The following ZNF277 variants were observed in gnomAD, a reference collection of about 807,000 sequenced individuals.
ZNF277 encodes the protein zinc finger protein 277, also known as nuclear receptor-interacting factor 4.
A neutral mutation model predicts 60.7 loss-of-function variants in ZNF277; 55 were observed. That is an observed-to-expected ratio of 0.91 (90% CI 0.73 to 1.13). ZNF277 has a LOEUF of 1.13. Ranked by LOEUF, ZNF277 falls within the 50% of genes most tolerant of loss-of-function variation. The probability of loss-of-function intolerance (pLI) is 0.00; values close to 1 mark genes in which losing one functional copy is unlikely to be tolerated. For synonymous variants in ZNF277, 178 were observed against 179.3 expected (o/e 0.99, Z 0.06); for missense variants, 510 against 523.0 (o/e 0.98, Z 0.24).
chr7:112,301,161 T>TC (rs1792462861), intron 4 of ZNF277, among the ~76,000 whole-genome samples: 2 of 152,006 alleles, frequency 1.3e-5, no homozygotes, highest in African/African-American at 4.8e-5. Context: ...AACCTCTGCT[T>TC]CCCGGGGTCA....
chr7:112,264,621 A>G (rs1371075773), intron 1 of ZNF277, among the ~76,000 whole-genome samples: 3 of 152,166 alleles, frequency 2.0e-5, no homozygotes, highest in Non-Finnish European at 2.9e-5. Flanking sequence ...AAGTATCAAG[A>G]AAGTATTTTT....
intron 9 of ZNF277, among the ~76,000 whole-genome samples, chr7:112,338,788 A>G (rs1793382958): frequency 6.6e-6 from 1 of 152,216 alleles, no homozygotes; most frequent in Admixed American, 6.5e-5. Flanking sequence ...CAGCCTTAGT[A>G]TGCCTATCCT....
intron 1 of ZNF277, among the ~76,000 whole-genome samples, chr7:112,251,939 G>A (rs1395824253): frequency 6.6e-6 from 1 of 152,152 alleles, no homozygotes; most frequent in Admixed American, 6.6e-5. Flanking sequence ...ACAAAGGAAT[G>A]GATTGATAAA....
chr7:112,244,902 C>T (rs1157349388), intron 1 of ZNF277, among the ~76,000 whole-genome samples: 1 of 152,122 alleles, frequency 6.6e-6, no homozygotes, highest in South Asian at 2.1e-4. Context: ...AAAAATTCAT[C>T]AAGTAATTAT....
chr7:112,316,178 T>C (rs1792839217), intron 4 of ZNF277, among the ~76,000 whole-genome samples: 1 of 152,116 alleles, frequency 6.6e-6, no homozygotes, highest in African/African-American at 2.4e-5. Flanking sequence ...TTCTACACAA[T>C]ATTGGTCAGA....
At chr7:112,313,232 G>A (rs1459484372) in intron 4 of ZNF277, among the ~76,000 whole-genome samples, 2 of 151,572 alleles carry the variant, frequency 1.3e-5, no homozygotes, top group African/African-American at 2.4e-5. Context: ...TGCTCAAAAC[G>A]TCATGTTAGT....
chr7:112,298,004 A>G (rs1792392334), intron 4 of ZNF277, among the ~76,000 whole-genome samples: 1 of 152,174 alleles, frequency 6.6e-6, no homozygotes, highest in Non-Finnish European at 1.5e-5. Context: ...CATTTAATGG[A>G]AGTGAGCATT....
intron 1 of ZNF277, among the ~76,000 whole-genome samples, chr7:112,217,433 T>C (rs1563193954): frequency 6.6e-6 from 1 of 152,222 alleles, no homozygotes; most frequent in Admixed American, 6.5e-5. Context: ...TGAAAGTAGA[T>C]CATACTGTCT....
chr7:112,228,988 G>A (rs1357650086), intron 1 of ZNF277, among the ~76,000 whole-genome samples: 2 of 152,190 alleles, frequency 1.3e-5, no homozygotes, highest in Non-Finnish European at 2.9e-5. Flanking sequence ...AAAGTTTAAA[G>A]CATTATATAA....
At chr7:112,282,138 A>G (rs1791960457) in intron 1 of ZNF277, among the ~76,000 whole-genome samples, 1 of 152,214 alleles carries the variant, frequency 6.6e-6, no homozygotes, top group African/African-American at 2.4e-5. Context: ...CTACATGAAA[A>G]TACATAAGAC....
chr7:112,257,293 AGG>A (rs2117018351), intron 1 of ZNF277, among the ~76,000 whole-genome samples: 1 of 152,332 alleles, frequency 6.6e-6, no homozygotes, highest in African/African-American at 2.4e-5. Flanking sequence ...ACACTGTGCT[AGG>A]TGGTAGAACC....
At chr7:112,275,615 A>G (rs1791773830) in intron 1 of ZNF277, among the ~76,000 whole-genome samples, 1 of 152,210 alleles carries the variant, frequency 6.6e-6, no homozygotes, top group Non-Finnish European at 1.5e-5. Flanking sequence ...ATAATTTATC[A>G]TATTAAAGAG....
chr7:112,246,790 T>C (rs1791096246), intron 1 of ZNF277, among the ~76,000 whole-genome samples: 1 of 152,188 alleles, frequency 6.6e-6, no homozygotes, highest in Non-Finnish European at 1.5e-5. Context: ...TGGCATACAG[T>C]AAGCACTGAA....
chr7:112,315,011 T>C (rs1235758277), intron 4 of ZNF277, among the ~76,000 whole-genome samples: 5 of 152,240 alleles, frequency 3.3e-5, no homozygotes, highest in African/African-American at 1.2e-4. Flanking sequence ...AATTTTGTCT[T>C]CCATCCCTCT....
intron 6 of ZNF277, among the ~76,000 whole-genome samples, chr7:112,328,673 C>A (rs982672833): frequency 7.2e-5 from 11 of 152,132 alleles, no homozygotes; most frequent in African/African-American, 2.7e-4. Context: ...GATTTTGAGA[C>A]CAGCCTGACC....
intron 1 of ZNF277, among the ~76,000 whole-genome samples, chr7:112,248,597 A>T (rs1471434988): frequency 6.6e-6 from 1 of 152,048 alleles, no homozygotes; most frequent in Non-Finnish European, 1.5e-5. Flanking sequence ...ATCTACCACC[A>T]AGAGATAATC....
chr7:112,338,869 C>T (rs560954416), intron 9 of ZNF277, among the ~76,000 whole-genome samples: 1 of 152,316 alleles, frequency 6.6e-6, no homozygotes, highest in South Asian at 2.1e-4. Context: ...TCAGTGATAA[C>T]ATCACGAATT....
At chr7:112,273,335 C>T (rs1791722653) in intron 1 of ZNF277, among the ~76,000 whole-genome samples, 1 of 152,170 alleles carries the variant, frequency 6.6e-6, no homozygotes, top group African/African-American at 2.4e-5. Context: ...GACAGGGCAA[C>T]ACTGAGTTCC....
At chr7:112,273,238 A>G (rs1289868215) in intron 1 of ZNF277, among the ~76,000 whole-genome samples, 1 of 152,162 alleles carries the variant, frequency 6.6e-6, no homozygotes, top group Non-Finnish European at 1.5e-5. Context: ...GACCGCTGGC[A>G]TGGGTGATTC....
Sources: gnomAD v4.1 joint callset for allele counts (sites outside exome capture counted in the v4.1 genomes callset) on GRCh38, gnomAD v4.1.1 for gene constraint, MANE v1.5 for transcripts, NCBI Gene and HGNC (gene_info 2026-07-23, HGNC 2026-07-21) for gene names.